SEMA6B: variants seen among roughly 807,000 people sequenced by gnomAD.
SEMA6B encodes semaphorin 6B.
In SEMA6B, 47 loss-of-function variants were observed where a neutral mutation model predicts 78.6. The observed-to-expected ratio is 0.60, with a 90% CI of 0.47 to 0.76. SEMA6B has a LOEUF of 0.76. SEMA6B is among the 30% of genes least tolerant of loss of function. SEMA6B has a pLI of 0.00. For missense variants in SEMA6B, 1,213 were observed against 1,269.9 expected, an observed-to-expected ratio of 0.96 and a Z score of 0.68; for synonymous variants, 632 against 592.2, an observed-to-expected ratio of 1.07 and a Z score of -0.98.
At chr19:4,554,540 A>G (rs1977419223) in intron 8 of SEMA6B, 64 bp from the exon 9 acceptor site, 2 of 1,273,048 alleles carry the variant, frequency 1.6e-6, no homozygotes, top group Non-Finnish European at 2.3e-6. Context: ...TGGGGCTAAG[A>G]ACTCACTGGC....
rs1172059075 is a variant in SEMA6B at position 4,550,012 on chromosome 19, T to A, written c.1271+111A>T. The stretch of plus-strand genomic sequence containing the variant: ...CTGTCTCTCTGTGTCTCCAGCTCTC[T>A]GGGCAGCGCCGGAAGCCATGGGCTC... On this transcript the variant is annotated intron_variant, in intron 12 of 16. Coordinates refer to ENST00000586582, the MANE Select transcript of SEMA6B (RefSeq NM_032108.4). This position sits in a 1 kb window ranked among gnomAD's most constrained non-coding sequence, Gnocchi z 6.6. 6 of 1,019,702 alleles carry A rather than the reference T, an allele frequency of 5.9e-6. No individual in the cohort carries two copies. Among genetic ancestry groups the A allele is most frequent in the Non-Finnish European group, 2.9e-6 (2 of 693,152 alleles). 63.2% of individuals were successfully genotyped at this position (1,019,702 alleles called of 1,614,324 possible).
In SEMA6B at chr19:4,558,053, A is replaced by G; in HGVS notation, c.218T>C (p.Val73Ala). The change falls in exon 3 of 17, where the codon GTC becomes GCC. Residue 73 changes from valine (V) to alanine (A), a missense_variant. By Grantham distance (64) the Val-to-Ala change is moderately conservative. Transcript: ENST00000586582. The surrounding 1 kb of genome is among the most constrained non-coding windows in gnomAD (Gnocchi z 5.1). ...DDLNIQRVLR[V>A]NRTLFIGDRD... is the part of the protein sequence containing the mutation. ...GTCCCCAATGAACAGCGTCCTGTTG[A>G]CCCGCAGGACTCGCTGGATGTTGAG... 1 of 1,492,174 alleles carries G rather than the reference A, an allele frequency of 6.7e-7. No individual in the cohort carries two copies. Among genetic ancestry groups the G allele is most frequent in the Non-Finnish European group, 9.0e-7 (1 of 1,109,500 alleles). 92.4% of individuals were successfully genotyped at this position (1,492,174 alleles called of 1,614,324 possible). A position where few individuals can be genotyped will look rare whatever the true frequency, so the allele number is the denominator to read the frequency against.
Position 4,544,423 on chromosome 19 carries a change from G to A in SEMA6B, c.1845C>T (p.Gly615=). ...AAFVVGAVVS[G]FSVGWFVGLR... ...GGCCCACGAACCAGCCCACGCTGAA[G>A]CCGGACACCACGGCTCCCACCACGA... The change falls in exon 17 of 17, where the codon GGC becomes GGT. Residue 615 remains glycine, a synonymous_variant. Coordinates refer to ENST00000586582, the MANE Select transcript of SEMA6B (RefSeq NM_032108.4). This position sits in a 1 kb window ranked among gnomAD's most constrained non-coding sequence, Gnocchi z 5.1. 2 of 1,604,284 alleles carry A rather than the reference G, an allele frequency of 1.2e-6. No homozygotes were observed. Among genetic ancestry groups the A allele is most frequent in the Non-Finnish European group, 1.7e-6 (2 of 1,176,404 alleles).
chr19:4,548,264 T>C lies in SEMA6B; in HGVS notation c.1453A>G (p.Arg485Gly), dbSNP rs768816790. The change falls in exon 13 of 17, where the codon AGG becomes GGG. Residue 485 changes from arginine (R) to glycine (G), a missense_variant and splice_region_variant. Transcript: ENST00000586582. ...LEEFETYRPD[R>G]CGRPGGGETG... ...CTTCCCACCTTTGCCCAGACTTACC[T>C]GTCCGGCCGGTAGGTCTCAAACTCC... The C allele has an allele frequency of 6.2e-7, 1 of 1,605,960 alleles. No individual in the cohort carries two copies. Among genetic ancestry groups the C allele is most frequent in the South Asian group, 1.1e-5 (1 of 90,982 alleles).
chr19:4,548,418 G>A lies in SEMA6B; in HGVS notation c.1299C>T (p.Asp433=), dbSNP rs141080955. Residue 433 remains aspartate, a synonymous_variant, in exon 13 of 17, where the codon GAC becomes GAT. Coordinates refer to ENST00000586582, the MANE Select transcript of SEMA6B (RefSeq NM_032108.4). ...MRHQLTRVAV[D]VGAGPWGNQT... is the part of the protein sequence containing the mutation. Reference sequence around the variant, plus strand: ...GGTTGCCCCAGGGGCCGGCTCCCACGTCCACAGCCACTCGAGTCAGCTGGT... The same window carrying A: ...GGTTGCCCCAGGGGCCGGCTCCCACATCCACAGCCACTCGAGTCAGCTGGT... 6.2e-5 allele frequency: 100 copies of A among 1,612,672 alleles called. No homozygotes were observed. Among genetic ancestry groups the A allele is most frequent in the African/African-American group, 3.6e-4 (27 of 74,910 alleles).
chr19:4,547,597 T>C (rs979582706), intron 14 of SEMA6B, among the ~76,000 whole-genome samples: 1 of 152,184 alleles, frequency 6.6e-6, no homozygotes, highest in Non-Finnish European at 1.5e-5. Context: ...CCCTGGTCCC[T>C]GGTTCTCCTT....
chr19:4,544,560 G>A lies in SEMA6B; in HGVS notation c.1739-31C>T, dbSNP rs1346227958. The A allele has an allele frequency of 1.3e-5, 18 of 1,403,668 alleles. No individual in the cohort carries two copies. The highest frequency in any genetic ancestry group is 1.7e-5 in the Non-Finnish European group (18 of 1,067,332). 87.0% of individuals were successfully genotyped at this position (1,403,668 alleles called of 1,614,324 possible). On this transcript the variant is annotated intron_variant, in intron 16 of 16. Coordinates refer to ENST00000586582, the MANE Select transcript of SEMA6B (RefSeq NM_032108.4). The surrounding 1 kb of genome is among the most constrained non-coding windows in gnomAD (Gnocchi z 5.1). ...CGGGGAGCACAGGGGGGTTAGTGGG[G>A]CCGGCGGGGTGGCCCTGGGCATCCC...
At position 4,558,512 on chromosome 19, in the gene SEMA6B, T is replaced by A. The variant is rs1295777906; in HGVS notation, c.-32-23A>T. On this transcript the variant is annotated intron_variant, in intron 1 of 16. Coordinates refer to ENST00000586582, the MANE Select transcript of SEMA6B (RefSeq NM_032108.4). This position sits in a 1 kb window ranked among gnomAD's most constrained non-coding sequence, Gnocchi z 5.1. ...CGCCTGCGGGCAAGGGGCGGCGAGG[T>A]GAGCGGCCTGCAGTCCCGCTCGTGG... 2 of 1,233,260 alleles carry A rather than the reference T, an allele frequency of 1.6e-6. No homozygotes were observed. The highest frequency in any genetic ancestry group is 3.1e-5 in the African/African-American group (2 of 64,346). The allele number at this position is 1,233,260 out of a possible 1,614,324, so 76.4% of individuals were successfully genotyped here. A position where few individuals can be genotyped will look rare whatever the true frequency, so the allele number is the denominator to read the frequency against.
Position 4,543,635 on chromosome 19 carries a change from C to G in SEMA6B, c.2633G>C (p.Gly878Ala). 1 of 1,232,860 alleles carries G rather than the reference C, an allele frequency of 8.1e-7. No homozygotes were observed. Among genetic ancestry groups the G allele is most frequent in the Non-Finnish European group, 1.0e-6 (1 of 988,322 alleles). 76.4% of individuals were successfully genotyped at this position (1,232,860 alleles called of 1,614,324 possible). ...GGGGGGCGCAGTCCTGTCCGCCCCC[C>G]CATAGGGGAGGAGGTGGGCCAAGTC... The part of the protein sequence containing the change: ...GTDLAHLLPY[G>A]GADRTAPPVP The change falls in exon 17 of 17, where the codon GGG (glycine) becomes GCG (alanine). Residue 878 changes from glycine to alanine, a missense_variant. Gly to Ala is a moderately conservative substitution (Grantham distance 60). Coordinates refer to ENST00000586582, the MANE Select transcript of SEMA6B (RefSeq NM_032108.4).
intron 5 of SEMA6B, 85 bp downstream of exon 5, chr19:4,556,866 G>A (rs1220439508): frequency 1.6e-6 from 2 of 1,290,180 alleles, no homozygotes; most frequent in East Asian, 2.5e-5. Flanking sequence ...TGGCGGGGTG[G>A]GCGTGGCCTG....
chr19:4,546,418 G>A lies in SEMA6B; in HGVS notation c.1653C>T (p.Ser551=), dbSNP rs201389754. The A allele has an allele frequency of 4.0e-5, 64 of 1,581,786 alleles. No individual in the cohort carries two copies. In the Admixed American group the frequency reaches 1.1e-3, roughly 26 times the overall value. ...TGGTGCCCGGGCTGAGGAAGATGCA[G>A]GAGCCGTCGGGGGCCCACCCGCAGT... is the stretch of plus-strand genomic sequence containing the variant. ...DPYCGWAPDG[S]CIFLSPGTRA... The change falls in exon 15 of 17, where the codon TCC becomes TCT. Residue 551 remains serine (S), a synonymous_variant. Coordinates refer to ENST00000586582, the MANE Select transcript of SEMA6B (RefSeq NM_032108.4).
At position 4,546,456 on chromosome 19, in the gene SEMA6B, T is replaced by G. The variant is rs1006180883; in HGVS notation, c.1615A>C (p.Ser539Arg). Residue 539 changes from serine (S) to arginine (R), a missense_variant, in exon 15 of 17, where the codon AGT (serine) becomes CGT (arginine). Physicochemically the swap from Ser to Arg is moderately radical, Grantham distance 110. Coordinates refer to ENST00000586582, the MANE Select transcript of SEMA6B (RefSeq NM_032108.4). ...GCCCACCCGCAGTAGGGGTCCTGACTGCCGATACAGTTCCTAGAGCAGACC... is the reference window on the plus strand; with the variant it reads ...GCCCACCCGCAGTAGGGGTCCTGACGGCCGATACAGTTCCTAGAGCAGACC... ...YSGCMKNCIG[S>R]QDPYCGWAPD... 8.9e-6 allele frequency: 14 copies of G among 1,567,018 alleles called. No homozygotes were observed. Among genetic ancestry groups the G allele is most frequent in the Admixed American group, 3.7e-5 (2 of 53,914 alleles).
rs186951396 is a variant in SEMA6B, at chr19:4,548,359, G to A, written c.1358C>T (p.Thr453Met). Residue 453 changes from threonine to methionine, a missense_variant, in exon 13 of 17, where the codon ACG becomes ATG. Transcript: ENST00000586582. Reference protein sequence around the residue: ...TVVFLGSEAGTVLKFLVRPNA... With the variant: ...TVVFLGSEAGMVLKFLVRPNA... ...GGGCCGGACGAGGAACTTGAGGACC[G>A]TCCCCGCCTCAGAACCCAGGAAGAC... is the stretch of plus-strand genomic sequence containing the variant. 7 of 1,613,798 alleles carry A rather than the reference G, an allele frequency of 4.3e-6. No individual in the cohort carries two copies. The highest frequency in any genetic ancestry group is 2.2e-5 in the South Asian group (2 of 91,082).
Position 4,543,984 on chromosome 19 carries a change from G to A in SEMA6B, c.2284C>T (p.Pro762Ser), listed in dbSNP as rs1027914512. 5.8e-6 allele frequency: 7 copies of A among 1,204,544 alleles called. No individual in the cohort carries two copies. In the African/African-American group the frequency reaches 9.5e-5, roughly 16 times the overall value. 74.6% of individuals were successfully genotyped at this position (1,204,544 alleles called of 1,614,324 possible). ...GGGGTCGGCTCCCCAGGCGCGGGGG[G>A]CTGCTCGGGGGCCCGGGCGGGCGCC... ...LLAPARAPEQ[P>S]PAPGEPTPDG... The change falls in exon 17 of 17, where the codon CCC becomes TCC. Residue 762 changes from proline to serine, a missense_variant. Transcript: ENST00000586582.
chr19:4,554,682 A>G (rs1354251226), intron 8 of SEMA6B, among the ~76,000 whole-genome samples: 2 of 152,182 alleles, frequency 1.3e-5, no homozygotes, highest in African/African-American at 4.8e-5. Flanking sequence ...TGGCAACATC[A>G]ACTATTTTTT....
At chr19:4,557,124 G>T in intron 4 of SEMA6B, 39 bp downstream of exon 4, 1 of 1,594,682 alleles carries the variant, frequency 6.3e-7, no homozygotes, top group African/African-American at 1.3e-5. Flanking sequence ...GCGTCCCCCT[G>T]GCCCTACCCC....
intron 5 of SEMA6B, 150 bp from the exon 6 acceptor site, chr19:4,556,239 G>A (rs1977466672): frequency 6.2e-6 from 4 of 640,588 alleles, no homozygotes; most frequent in East Asian, 2.7e-5. Context: ...CTGGGGACAC[G>A]GTGCGACCCA....
chr19:4,543,971 C>T lies in SEMA6B; in HGVS notation c.2297G>A (p.Gly766Glu). The change falls in exon 17 of 17, where the codon GGG (glycine) becomes GAG (glutamate). Residue 766 changes from glycine to glutamate, a missense_variant. Coordinates refer to ENST00000586582, the MANE Select transcript of SEMA6B (RefSeq NM_032108.4). ...GAGGCGGCCGTCGGGGGTCGGCTCC[C>T]CAGGCGCGGGGGGCTGCTCGGGGGC... Reference protein sequence around the residue: ...ARAPEQPPAPGEPTPDGRLYA... With the variant: ...ARAPEQPPAPEEPTPDGRLYA... 1 of 1,203,470 alleles carries T rather than the reference C, an allele frequency of 8.3e-7. No individual in the cohort carries two copies. Among genetic ancestry groups the T allele is most frequent in the Non-Finnish European group, 1.0e-6 (1 of 970,002 alleles). The allele number at this position is 1,203,470 out of a possible 1,614,324, so 74.5% of individuals were successfully genotyped here. A position where few individuals can be genotyped will look rare whatever the true frequency, so the allele number is the denominator to read the frequency against.
rs1977072522 is a variant in SEMA6B at position 4,543,430 on chromosome 19, G to A, written c.*171C>T. 1 of 396,934 alleles carries A rather than the reference G, an allele frequency of 2.5e-6. No homozygotes were observed. The allele number at this position is 396,934 out of a possible 1,614,324, so 24.6% of individuals were successfully genotyped here. A position where few individuals can be genotyped will look rare whatever the true frequency, so the allele number is the denominator to read the frequency against. The stretch of plus-strand genomic sequence containing the variant: ...GTCCTGCGGCCCCGGGTAGGGGGAG[G>A]GCGAGCTGGTTGTGCTTCCTTGTGG... On this transcript the variant is annotated 3_prime_UTR_variant, in exon 17 of 17. Transcript: ENST00000586582.
Sources: gnomAD v4.1 joint callset for allele counts (sites outside exome capture counted in the v4.1 genomes callset) on GRCh38, gnomAD v4.1.1 for gene constraint, Gnocchi (gnomAD v3.1) non-coding constraint, MANE v1.5 for transcripts, NCBI Gene and HGNC (gene_info 2026-07-23, HGNC 2026-07-21) for gene names.